Variants in ACOT11 observed in about 807,000 individuals in gnomAD.
ACOT11 encodes the protein acyl-CoA thioesterase 11, also known as acyl-coenzyme A thioesterase 11.
ACOT11 carries 69 observed loss-of-function variants against 77.5 expected under a neutral mutation model. That is an observed-to-expected ratio of 0.89 (90% CI 0.73 to 1.09). ACOT11 has a LOEUF of 1.09. ACOT11 is among the 50% of genes least tolerant of loss of function. The pLI is 0.00. For missense variants in ACOT11, 766 were observed against 813.7 expected (o/e 0.94, Z 0.71); for synonymous variants, 279 against 313.0 (o/e 0.89, Z 1.15).
chr1:54,596,677 GA>G (rs1654910019), intron 6 of ACOT11, among the ~76,000 whole-genome samples: 1 of 152,164 alleles, frequency 6.6e-6, no homozygotes, highest in Non-Finnish European at 1.5e-5. Context: ...AGGTTCAAGT[GA>G]TTCTCGTGGC....
At chr1:54,596,643 G>A (rs1226071058) in intron 6 of ACOT11, among the ~76,000 whole-genome samples, 1 of 152,028 alleles carries the variant, frequency 6.6e-6, no homozygotes, top group Non-Finnish European at 1.5e-5. Flanking sequence ...GCGTGATCTC[G>A]GCTCACTGCA....
Position 54,599,305 on chromosome 1 carries a change from C to G in ACOT11, c.774C>G (p.Cys258Trp). The change falls in exon 8 of 16, where the codon TGC (cysteine) becomes TGG (tryptophan). Residue 258 changes from cysteine (C) to tryptophan (W), a missense_variant. By Grantham distance (215) the Cys-to-Trp change is radical. Transcript: ENST00000343744. ...NVATIAASRL[C>W]RAHPTLKAIE... ...ACCCCTGCCTCCTCAGCCGGCTCTG[C>G]CGTGCCCACCCTACGCTGAAGGCCA... 6.3e-7 allele frequency: 1 copy of G among 1,587,734 alleles called. No homozygotes were observed. The highest frequency in any genetic ancestry group is 8.6e-7 in the Non-Finnish European group (1 of 1,166,344).
At chr1:54,597,192 G>A (rs1422764573) in intron 6 of ACOT11, 67 bp from the exon 7 acceptor site, 6 of 1,586,988 alleles carry the variant, frequency 3.8e-6, no homozygotes, top group South Asian at 1.1e-5. Flanking sequence ...GGCTGCCTGT[G>A]GGGAGGGGCT....
At position 54,616,074 on chromosome 1, in the gene ACOT11, T is replaced by C. The variant is rs760662505; in HGVS notation, c.1629+8006T>C. Reference sequence around the variant, plus strand: ...AGCCACTGCTCCAGTGTGTTGTCACTGTAGATAGTGGGGGGGTGTGCCATG... The same window carrying C: ...AGCCACTGCTCCAGTGTGTTGTCACCGTAGATAGTGGGGGGGTGTGCCATG... On this transcript the variant is annotated intron_variant, in intron 15 of 16. Coordinates refer to the ACOT11 transcript ENST00000371316. The C allele has an allele frequency of 2.5e-6, 4 of 1,614,142 alleles. No individual in the cohort carries two copies. The Admixed American group carries it at 5.0e-5, about 20-fold the overall frequency.
chr1:54,565,062 C>G (rs1284292591), intron 1 of ACOT11, among the ~76,000 whole-genome samples: 1 of 152,172 alleles, frequency 6.6e-6, no homozygotes, highest in Non-Finnish European at 1.5e-5. Context: ...CGTCTTCCCC[C>G]ACACCACCCC....
chr1:54,559,580 G>A (rs1471520283), intron 1 of ACOT11, among the ~76,000 whole-genome samples: 3 of 150,646 alleles, frequency 2.0e-5, no homozygotes, highest in Admixed American at 6.7e-5. Flanking sequence ...AATTGGCCAT[G>A]GTGAATAGTT....
chr1:54,612,158 G>T (rs575457866), downstream of ACOT11, among the ~76,000 whole-genome samples: 2 of 151,960 alleles, frequency 1.3e-5, no homozygotes, highest in South Asian at 4.2e-4. Flanking sequence ...GGCTATCCTA[G>T]GGCAGGGGTT....
intron 1 of ACOT11, among the ~76,000 whole-genome samples, chr1:54,577,508 C>T (rs1179278546): frequency 5.3e-5 from 8 of 151,142 alleles, no homozygotes; most frequent in Non-Finnish European, 7.4e-5. Context: ...GATAAAGATA[C>T]ATATACAGAT....
In ACOT11 at chr1:54,601,140, C is replaced by CGT. The variant is rs71045198; in HGVS notation, c.885-117_885-116dup. On this transcript the variant is annotated intron_variant, in intron 8 of 15. Transcript: ENST00000343744. ...ACATGTGTGTGTATGTGTGTGCATACGTGTGTGTGTGTGCATGCATGTGTG... is the reference window on the plus strand; with the variant it reads ...ACATGTGTGTGTATGTGTGTGCATACGTGTGTGTGTGTGTGCATGCATGTGTG... 8.7e-4 allele frequency: 671 copies of CGT among 774,212 alleles called. 8 individuals carry two copies. The highest frequency in any genetic ancestry group is 9.5e-4 in the Non-Finnish European group (488 of 511,654). The allele number at this position is 774,212 out of a possible 1,614,324, so 48.0% of individuals were successfully genotyped here. A position where few individuals can be genotyped will look rare whatever the true frequency, so the allele number is the denominator to read the frequency against.
At chr1:54,619,048 C>CT (rs1248001448) in intron 15 of ACOT11, among the ~76,000 whole-genome samples, 4 of 152,140 alleles carry the variant, frequency 2.6e-5, no homozygotes, top group Non-Finnish European at 4.4e-5. Flanking sequence ...TCTACCAGCC[C>CT]TCAGACCCCA....
At chr1:54,601,504 C>T (rs911106122) in intron 9 of ACOT11, 91 bp downstream of exon 9, 69 of 1,534,474 alleles carry the variant, frequency 4.5e-5, no homozygotes, top group Non-Finnish European at 5.9e-5. Context: ...CCCTACAGAC[C>T]TAGAGGCGTG....
At chr1:54,638,214 GACAGAATCC>G (rs1201308455) in exon 17 of ACOT11, 1 of 152,172 alleles carries the variant, frequency 6.6e-6, no homozygotes. Flanking sequence ...CTAACTTCTC[GACAGAATCC>G]ACAGAAGCCA....
chr1:54,620,784 G>A (rs1262286492), intron 15 of ACOT11, among the ~76,000 whole-genome samples: 1 of 146,056 alleles, frequency 6.8e-6, no homozygotes, highest in Non-Finnish European at 1.5e-5. Flanking sequence ...GAGAGGTGGA[G>A]GTTGTAGTGA....
Position 54,578,049 on chromosome 1 carries a change from T to C in ACOT11, c.34-6606T>C, listed in dbSNP as rs906018688. Among the ~76,000 whole-genome samples, 4 of 152,274 alleles carry C rather than the reference T, an allele frequency of 2.6e-5. No homozygotes were observed. In the East Asian group the frequency reaches 7.7e-4, roughly 29 times the overall value. Reference sequence around the variant, plus strand: ...CCTACCCAGGCTGTGCAGGGAGAGCTCTCACCTTCCTTTGACACTTAGAAG... The same window carrying C: ...CCTACCCAGGCTGTGCAGGGAGAGCCCTCACCTTCCTTTGACACTTAGAAG... On this transcript the variant is annotated intron_variant, in intron 1 of 15. Coordinates refer to ENST00000343744, the MANE Select transcript of ACOT11 (RefSeq NM_147161.4).
At chr1:54,614,681 CAG>C, downstream of ACOT11, 1 of 1,602,218 alleles carries the variant, frequency 6.2e-7, no homozygotes, top group South Asian at 1.1e-5. Context: ...ACAGCTGGGA[CAG>C]AGAGGCGAAC....
intron 9 of ACOT11, among the ~76,000 whole-genome samples, chr1:54,601,957 T>A: frequency 6.6e-6 from 1 of 152,254 alleles, no homozygotes; most frequent in Non-Finnish European, 1.5e-5. Context: ...TCCCTGTGCC[T>A]CCTGTGGGCC....
At chr1:54,614,333 C>A (rs1487473415), downstream of ACOT11, among the ~76,000 whole-genome samples, 2 of 152,148 alleles carry the variant, frequency 1.3e-5, no homozygotes, top group East Asian at 3.9e-4. Context: ...CAAGGGGGCA[C>A]TTGGCCCTGT....
At position 54,622,401 on chromosome 1, in the gene ACOT11, A is replaced by G. The variant is rs535377862; in HGVS notation, c.1630-8333A>G. 3.3e-5 allele frequency among the ~76,000 whole-genome samples: 5 copies of G among 152,194 alleles called. No homozygotes were observed. In the South Asian group the frequency reaches 8.3e-4, roughly 25 times the overall value. ...CAAGACCATCCTGGCCAACATGGTG[A>G]AACCCGTCTGTACTAAAAATACAAA... On this transcript the variant is annotated intron_variant, in intron 15 of 16. Transcript: ENST00000371316.
chr1:54,583,460 G>A (rs988393181), intron 1 of ACOT11, among the ~76,000 whole-genome samples: 1 of 152,128 alleles, frequency 6.6e-6, no homozygotes, highest in African/African-American at 2.4e-5. Context: ...TCCTGCAGCC[G>A]TGGCAGGCTC....
Sources: gnomAD v4.1 joint callset for allele counts (sites outside exome capture counted in the v4.1 genomes callset) on GRCh38, gnomAD v4.1.1 for gene constraint, MANE v1.5 for transcripts, NCBI Gene and HGNC (gene_info 2026-07-23, HGNC 2026-07-21) for gene names.